Variants in CCDC9 observed in about 807,000 individuals in gnomAD.
The protein encoded by CCDC9 is coiled-coil domain containing 9.
In CCDC9, 52 loss-of-function variants were observed where a neutral mutation model predicts 65.6. That is an observed-to-expected ratio of 0.79 (90% CI 0.63 to 1.00). The LOEUF is 1.00. CCDC9 is among the 50% of genes least tolerant of loss of function. The pLI is 0.00. For synonymous variants in CCDC9, 332 were observed against 280.3 expected, an observed-to-expected ratio of 1.18 and a Z score of -1.84; for missense variants, 834 against 757.2, an observed-to-expected ratio of 1.10 and a Z score of -1.19.
chr19:47,270,438 C>G lies in CCDC9; in HGVS notation c.934C>G (p.Pro312Ala), dbSNP rs1365798136. 3.7e-6 allele frequency: 6 copies of G among 1,614,076 alleles called. No homozygotes were observed. Among genetic ancestry groups the G allele is most frequent in the Non-Finnish European group, 5.1e-6 (6 of 1,180,038 alleles). Residue 312 changes from proline to alanine, a missense_variant, in exon 9 of 12, where the codon CCA becomes GCA. By Grantham distance (27) the Pro-to-Ala change is conservative. Coordinates refer to ENST00000221922, the MANE Select transcript of CCDC9 (RefSeq NM_015603.3). ...FKDGPVPAHE[P>A]SHRYDDQAWA... ...GGATGGCCCAGTCCCTGCCCATGAA[C>G]CATCCCACCGCTATGGTGAGTGGGT...
chr19:47,273,400 C>G (rs1405427536), downstream of CCDC9: 2 of 1,231,706 alleles, frequency 1.6e-6, no homozygotes, highest in Admixed American at 8.4e-5. Context: ...TCACCGACTT[C>G]CAGAGGGTGC....
At chr19:47,274,931 C>CGGCTGCGGGG, downstream of CCDC9, 1 of 1,333,148 alleles carries the variant, frequency 7.5e-7, no homozygotes, top group Non-Finnish European at 9.5e-7. Flanking sequence ...TGCGGGGGAC[C>CGGCTGCGGGG]AGCTGCGTGG....
chr19:47,275,042 G>T (rs1408421643), downstream of CCDC9: 3 of 1,490,342 alleles, frequency 2.0e-6, no homozygotes, highest in East Asian at 2.9e-5. Context: ...TCTGCGTCTC[G>T]CTAGCTGCCG....
In CCDC9 at chr19:47,271,125, C is replaced by T. The variant is rs867167978; in HGVS notation, c.1129C>T (p.Pro377Ser). The T allele has an allele frequency of 7.6e-6, 12 of 1,577,244 alleles. No homozygotes were observed. The highest frequency in any genetic ancestry group is 4.6e-5 in the East Asian group (2 of 43,448). Residue 377 changes from proline (P) to serine (S), a missense_variant, in exon 11 of 12, where the codon CCA becomes TCA. Transcript: ENST00000221922. Reference sequence around the variant, plus strand: ...GGAGACAAAAGAAGGGGCAGCATCCCCAGCCCCTGAGACTCCACAGCCTAC... The same window carrying T: ...GGAGACAAAAGAAGGGGCAGCATCCTCAGCCCCTGAGACTCCACAGCCTAC... ...RWETKEGAAS[P>S]APETPQPTSP...
chr19:47,258,355 C>G lies in CCDC9; in HGVS notation c.-46C>G. ...GAACCCTCAGTGCTGCGTCTAGATT[C>G]TGCAGGGGAGGTTTGCTGGGACCTT... is the stretch of plus-strand genomic sequence containing the variant. On this transcript the variant is annotated 5_prime_UTR_variant, in exon 2 of 12. Transcript: ENST00000221922. 1 of 1,611,216 alleles carries G rather than the reference C, an allele frequency of 6.2e-7. No homozygotes were observed.
chr19:47,260,097 G>A (rs1057151022), intron 3 of CCDC9, among the ~76,000 whole-genome samples: 5 of 152,172 alleles, frequency 3.3e-5, no homozygotes, highest in Middle Eastern at 3.2e-3. Context: ...GACCCCACGG[G>A]TCCCACAGGC....
At chr19:47,259,588 C>T (rs1030995877) in intron 3 of CCDC9, among the ~76,000 whole-genome samples, 1 of 152,104 alleles carries the variant, frequency 6.6e-6, no homozygotes. Flanking sequence ...ATGTGGCTCT[C>T]CCTGAGATGG....
At chr19:47,275,300 G>A, downstream of CCDC9, 1 of 1,546,160 alleles carries the variant, frequency 6.5e-7, no homozygotes, top group African/African-American at 1.4e-5. Flanking sequence ...CGAGCCGCCA[G>A]ACACCCAGAG....
At chr19:47,266,819 C>G in intron 8 of CCDC9, 27 bp downstream of exon 8, 1 of 1,585,214 alleles carries the variant, frequency 6.3e-7, no homozygotes, top group Non-Finnish European at 8.6e-7. Flanking sequence ...CTCCTCTCCC[C>G]ATGTGGCACG....
Position 47,266,802 on chromosome 19 carries a change from C to G in CCDC9, c.902+10C>G. Reference sequence around the variant, plus strand: ...AGAAGACCGATGGGATGTGAGTCTCCTCCCCGCTCCTCTCCCCATGTGGCA... The same window carrying G: ...AGAAGACCGATGGGATGTGAGTCTCGTCCCCGCTCCTCTCCCCATGTGGCA... On this transcript the variant is annotated intron_variant, in intron 8 of 11. Transcript: ENST00000221922. The G allele has an allele frequency of 6.3e-7, 1 of 1,597,132 alleles. No homozygotes were observed. Among genetic ancestry groups the G allele is most frequent in the East Asian group, 2.3e-5 (1 of 44,074 alleles).
At chr19:47,268,700 G>A (rs1267213482) in intron 8 of CCDC9, among the ~76,000 whole-genome samples, 2 of 151,900 alleles carry the variant, frequency 1.3e-5, no homozygotes, top group East Asian at 3.9e-4. Context: ...GGTGGATCAC[G>A]AGGTCAGGAG....
chr19:47,269,213 CT>C (rs2059100945), intron 8 of CCDC9, among the ~76,000 whole-genome samples: 1 of 152,220 alleles, frequency 6.6e-6, no homozygotes, highest in South Asian at 2.1e-4. Flanking sequence ...ACATTTCTGC[CT>C]TTTTGGAACT....
chr19:47,274,571 C>T (rs1176803279), downstream of CCDC9: 2 of 180,326 alleles, frequency 1.1e-5, no homozygotes, highest in Non-Finnish European at 1.1e-5. Flanking sequence ...GACGAGGGGG[C>T]GGGCTCCGAG....
chr19:47,268,863 A>G (rs1045237535), intron 8 of CCDC9, among the ~76,000 whole-genome samples: 23 of 150,926 alleles, frequency 1.5e-4, no homozygotes, highest in Admixed American at 2.6e-4. Context: ...GCTTGCAGTG[A>G]GCCGAGATCT....
intron 8 of CCDC9, among the ~76,000 whole-genome samples, 187 bp from the exon 9 acceptor site, chr19:47,270,220 C>T (rs576324433): frequency 5.3e-5 from 8 of 152,040 alleles, no homozygotes; most frequent in African/African-American, 1.4e-4. Flanking sequence ...CTGTCTGCCT[C>T]GGCCTCCCAG....
chr19:47,275,521 C>G (rs867147443), downstream of CCDC9: 153 of 870,122 alleles, frequency 1.8e-4, no homozygotes, highest in Middle Eastern at 4.7e-3. Flanking sequence ...GGGGCCTTGC[C>G]TCTTGCAGCT....
chr19:47,260,380 A>C lies in CCDC9; in HGVS notation c.168A>C (p.Arg56=). 6.2e-7 allele frequency: 1 copy of C among 1,605,830 alleles called. No homozygotes were observed. The highest frequency in any genetic ancestry group is 2.2e-5 in the East Asian group (1 of 44,448). ...ELEGVAVTAP[R]KGRSVEKENV... ...AGGGAGTCGCAGTCACAGCTCCCCG[A>C]AAGGGCCGCTCAGTGGAGAAGGAGA... Residue 56 remains arginine (R), a synonymous_variant, in exon 4 of 12, where the codon CGA becomes CGC. Transcript: ENST00000221922.
At chr19:47,258,744 C>G in intron 3 of CCDC9, 81 bp downstream of exon 3, 2 of 988,076 alleles carry the variant, frequency 2.0e-6, no homozygotes, top group East Asian at 4.9e-5. Flanking sequence ...TCCTTAAAAC[C>G]TTTTCATGGC....
chr19:47,264,559 A>G (rs905039728), intron 5 of CCDC9, 44 bp from the exon 6 acceptor site: 4 of 1,541,922 alleles, frequency 2.6e-6, no homozygotes, highest in East Asian at 2.4e-5. Context: ...CGGCAGCTTA[A>G]TAGTTCTCCC....
Sources: allele counts gnomAD v4.1 joint callset (sites outside exome capture counted in the v4.1 genomes callset), GRCh38; gene constraint gnomAD v4.1.1; transcripts MANE v1.5; gene names NCBI Gene and HGNC (gene_info 2026-07-23, HGNC 2026-07-21).